ARHGEF28: variants seen among roughly 807,000 people sequenced by gnomAD.
ARHGEF28 encodes Rho guanine nucleotide exchange factor 28.
ARHGEF28 carries 152 observed loss-of-function variants against 206.6 expected under a neutral mutation model. The observed-to-expected ratio is 0.74, with a 90% CI of 0.64 to 0.84. ARHGEF28 has a LOEUF of 0.84. Ranked by LOEUF, ARHGEF28 falls within the 40% of genes least tolerant of loss-of-function variation. The probability of loss-of-function intolerance (pLI) is 0.00; values close to 1 mark genes in which losing one functional copy is unlikely to be tolerated. For missense variants in ARHGEF28, 2,028 were observed against 2,073.2 expected, an observed-to-expected ratio of 0.98 and a Z score of 0.42; for synonymous variants, 763 against 776.4, an observed-to-expected ratio of 0.98 and a Z score of 0.29.
chr5:73,847,281 A>G (rs16870944), intron 12 of ARHGEF28, among the ~76,000 whole-genome samples: 18,618 of 152,138 alleles, frequency 0.12, 1,542 homozygotes, highest in African/African-American at 0.22. Flanking sequence ...TGTTTTATGT[A>G]TGTACAAAAT....
chr5:73,840,102 C>G (rs961053518), intron 10 of ARHGEF28, among the ~76,000 whole-genome samples: 15 of 152,096 alleles, frequency 9.9e-5, no homozygotes, highest in Non-Finnish European at 1.9e-4. Flanking sequence ...GCCATGTGAA[C>G]AAAAACATAT....
At chr5:73,863,877 C>T (rs946888077) in intron 16 of ARHGEF28, among the ~76,000 whole-genome samples, 2 of 152,008 alleles carry the variant, frequency 1.3e-5, no homozygotes, top group Non-Finnish European at 2.9e-5. Flanking sequence ...TGGCCACTGG[C>T]GTGTTGACTG....
chr5:73,648,221 AG>A (rs1333756209), intron 1 of ARHGEF28, among the ~76,000 whole-genome samples: 5 of 152,216 alleles, frequency 3.3e-5, no homozygotes, highest in Admixed American at 1.3e-4. Flanking sequence ...ATATAATGGC[AG>A]GTCTCTGTTT....
At chr5:73,679,085 C>T (rs1267246930) in intron 1 of ARHGEF28, among the ~76,000 whole-genome samples, 3 of 152,192 alleles carry the variant, frequency 2.0e-5, no homozygotes, top group Non-Finnish European at 2.9e-5. Context: ...GAGATAGGGT[C>T]TTGCTATGTT....
At chr5:73,874,195 CT>C (rs1405231249) in intron 22 of ARHGEF28, among the ~76,000 whole-genome samples, 1 of 151,812 alleles carries the variant, frequency 6.6e-6, no homozygotes, top group Admixed American at 6.6e-5. Flanking sequence ...CTGTTTATGT[CT>C]TTTGCTGATT....
chr5:73,817,223 A>G (rs1403956643), intron 9 of ARHGEF28, among the ~76,000 whole-genome samples: 1 of 152,146 alleles, frequency 6.6e-6, no homozygotes, highest in African/African-American at 2.4e-5. Context: ...CTTTCCAGTG[A>G]CACATAGTGT....
intron 4 of ARHGEF28, 84 bp from the exon 5 acceptor site, chr5:73,773,770 TA>T: frequency 7.9e-7 from 1 of 1,265,094 alleles, no homozygotes; most frequent in Non-Finnish European, 1.1e-6. Flanking sequence ...TTATTATGTC[TA>T]AATACACTGT....
chr5:73,721,263 T>C (rs903046898), intron 2 of ARHGEF28, among the ~76,000 whole-genome samples: 3 of 152,214 alleles, frequency 2.0e-5, no homozygotes, highest in Admixed American at 6.5e-5. Context: ...GACTCTGTAG[T>C]ATGAATTTCT....
At chr5:73,842,180 C>CT (rs1490922985) in intron 11 of ARHGEF28, among the ~76,000 whole-genome samples, 1 of 151,964 alleles carries the variant, frequency 6.6e-6, no homozygotes, top group Non-Finnish European at 1.5e-5. Context: ...TAGGGAGTAG[C>CT]TTTTTTTTCC....
At chr5:73,774,495 A>G (rs1753432576) in intron 5 of ARHGEF28, among the ~76,000 whole-genome samples, 1 of 152,224 alleles carries the variant, frequency 6.6e-6, no homozygotes, top group Non-Finnish European at 1.5e-5. Context: ...GCTCTAGTAC[A>G]ATGTCCAGCA....
At chr5:73,837,163 T>A (rs1387434020) in intron 10 of ARHGEF28, among the ~76,000 whole-genome samples, 8 of 152,102 alleles carry the variant, frequency 5.3e-5, no homozygotes, top group Non-Finnish European at 1.0e-4. Context: ...GGGATTCCAT[T>A]CAAATTTCAG....
chr5:73,831,176 G>A (rs1370664005), intron 9 of ARHGEF28, among the ~76,000 whole-genome samples: 1 of 152,178 alleles, frequency 6.6e-6, no homozygotes, highest in Non-Finnish European at 1.5e-5. Flanking sequence ...TACCAGGCAT[G>A]TGTCAAGTCT....
chr5:73,768,259 A>G (rs1753018909), intron 4 of ARHGEF28, among the ~76,000 whole-genome samples: 1 of 151,880 alleles, frequency 6.6e-6, no homozygotes, highest in Non-Finnish European at 1.5e-5. Context: ...GAGCTGTGAG[A>G]AGAGGGCCAC....
At chr5:73,734,093 C>G (rs2112356432) in intron 2 of ARHGEF28, among the ~76,000 whole-genome samples, 1 of 152,268 alleles carries the variant, frequency 6.6e-6, no homozygotes, top group Non-Finnish European at 1.5e-5. Flanking sequence ...CACCAGGCCC[C>G]ACCCCCAACA....
At chr5:73,675,016 A>G (rs1195869313) in intron 1 of ARHGEF28, among the ~76,000 whole-genome samples, 1 of 152,194 alleles carries the variant, frequency 6.6e-6, no homozygotes, top group Non-Finnish European at 1.5e-5. Flanking sequence ...GAGCCACACT[A>G]GGAAATTAGT....
At chr5:73,788,628 G>A (rs958255782) in intron 7 of ARHGEF28, among the ~76,000 whole-genome samples, 1 of 152,128 alleles carries the variant, frequency 6.6e-6, no homozygotes, top group Admixed American at 6.5e-5. Context: ...CACCACAAAG[G>A]TCTTCATCCT....
chr5:73,686,880 G>T (rs912582212), intron 2 of ARHGEF28, among the ~76,000 whole-genome samples: 1 of 152,010 alleles, frequency 6.6e-6, no homozygotes, highest in African/African-American at 2.4e-5. Context: ...GAAAAGTACA[G>T]GAAAGTGTTA....
intron 1 of ARHGEF28, among the ~76,000 whole-genome samples, chr5:73,669,830 G>C (rs1027773879): frequency 1.3e-5 from 2 of 152,228 alleles, no homozygotes; most frequent in East Asian, 3.9e-4. Flanking sequence ...GGGATTACAA[G>C]CATGCACCAC....
chr5:73,927,597 G>A (rs374429436), intron 35 of ARHGEF28, among the ~76,000 whole-genome samples: 1 of 152,130 alleles, frequency 6.6e-6, no homozygotes, highest in Non-Finnish European at 1.5e-5. Context: ...GGGTTCAAGT[G>A]ATCCCCCTGC....
Sources: allele counts gnomAD v4.1 joint callset (sites outside exome capture counted in the v4.1 genomes callset), GRCh38; gene constraint gnomAD v4.1.1; transcripts MANE v1.5; gene names NCBI Gene and HGNC (gene_info 2026-07-23, HGNC 2026-07-21).